Variants in ZC3H12D observed in about 807,000 individuals in gnomAD.
ZC3H12D encodes the protein probable ribonuclease ZC3H12D.
A neutral mutation model predicts 24.2 loss-of-function variants in ZC3H12D; 11 were observed. The observed-to-expected ratio is 0.46, with a 90% CI of 0.29 to 0.75. The LOEUF (loss-of-function observed/expected upper bound fraction) is 0.75. Among genes scored for constraint, ZC3H12D ranks in the 30% least tolerant of loss-of-function variants. ZC3H12D has a pLI of 0.11. For missense variants in ZC3H12D, 740 were observed against 767.7 expected (o/e 0.96, Z 0.43); for synonymous variants, 333 against 341.8 (o/e 0.97, Z 0.28).
At position 149,462,403 on chromosome 6, in the gene ZC3H12D, C is replaced by CCA. The variant is rs778179105; in HGVS notation, c.306-435_306-434dup. On this transcript the variant is annotated intron_variant, in intron 2 of 5. Transcript: ENST00000409806. Reference sequence around the variant, plus strand: ...AAAAACAAAACAAAACAAAAAAAAACCACACACACACACAAGAAAATCTAC... The same window carrying CCA: ...AAAAACAAAACAAAACAAAAAAAAACCACACACACACACACAAGAAAATCTAC... 8.0e-4 allele frequency among the ~76,000 whole-genome samples: 119 copies of CCA among 149,376 alleles called. 2 individuals carry two copies. The highest frequency in any genetic ancestry group is 2.8e-3 in the African/African-American group (114 of 40,522).
intron 3 of ZC3H12D, among the ~76,000 whole-genome samples, chr6:149,460,522 C>G (rs965409241): frequency 6.6e-6 from 1 of 152,056 alleles, no homozygotes; most frequent in South Asian, 2.1e-4. Context: ...ATGGTGAAAC[C>G]CCATCTCTAC....
At chr6:149,458,874 T>C (rs1407152552) in intron 3 of ZC3H12D, among the ~76,000 whole-genome samples, 2 of 152,216 alleles carry the variant, frequency 1.3e-5, no homozygotes, top group Non-Finnish European at 2.9e-5. Context: ...TGTTTGTATG[T>C]TTATATGGCC....
chr6:149,475,614 G>C (rs1242918405), intron 1 of ZC3H12D, among the ~76,000 whole-genome samples: 1 of 152,134 alleles, frequency 6.6e-6, no homozygotes, highest in Non-Finnish European at 1.5e-5. Flanking sequence ...TACTTTGGAG[G>C]CTGAGGCAGG....
rs925462470 is a variant in ZC3H12D, at chr6:149,456,960, C to T, written c.446-60G>A. On this transcript the variant is annotated intron_variant, in intron 3 of 5. Coordinates refer to ENST00000409806, the MANE Select transcript of ZC3H12D (RefSeq NM_207360.3). This position sits in a 1 kb window ranked among gnomAD's most constrained non-coding sequence, Gnocchi z 4.3. ...CCAAGGGCACCGCCCCTGAGAACCA[C>T]CCCCAACGCGAGGCCACCCGCTTCC... is the stretch of plus-strand genomic sequence containing the variant. The T allele has an allele frequency of 2.8e-5, 42 of 1,518,642 alleles. No individual in the cohort carries two copies. The East Asian group carries it at 9.4e-4, about 34-fold the overall frequency. 94.1% of individuals were successfully genotyped at this position (1,518,642 alleles called of 1,614,324 possible).
Position 149,456,621 on chromosome 6 carries a change from C to CCCCCCCCCCCCCCCCCA in ZC3H12D, c.680+44_680+45insTGGGGGGGGGGGGGGGG. On this transcript the variant is annotated intron_variant, in intron 4 of 5. Transcript: ENST00000409806. The surrounding 1 kb of genome is among the most constrained non-coding windows in gnomAD (Gnocchi z 4.3). ...TGGCCACTGCCTCGACCCCGGCCCCCCGCCCCGCCGCCCCCCAGGGTGTCA... is the reference window on the plus strand; with the variant it reads ...TGGCCACTGCCTCGACCCCGGCCCCCCCCCCCCCCCCCCCCCACGCCCCGCCGCCCCCCAGGGTGTCA... The CCCCCCCCCCCCCCCCCA allele has an allele frequency of 7.7e-7, 1 of 1,297,206 alleles. No individual in the cohort carries two copies. Among genetic ancestry groups the CCCCCCCCCCCCCCCCCA allele is most frequent in the Non-Finnish European group, 1.1e-6 (1 of 906,312 alleles). 80.4% of individuals were successfully genotyped at this position (1,297,206 alleles called of 1,614,324 possible).
intron 2 of ZC3H12D, among the ~76,000 whole-genome samples, chr6:149,462,890 C>T (rs775843284): frequency 2.6e-5 from 4 of 152,188 alleles, no homozygotes; most frequent in Non-Finnish European, 5.9e-5. Flanking sequence ...GCTGCACTGT[C>T]GGCTTCCCTA....
At chr6:149,475,000 G>A (rs1776312825) in intron 1 of ZC3H12D, among the ~76,000 whole-genome samples, 1 of 152,064 alleles carries the variant, frequency 6.6e-6, no homozygotes. Context: ...CTCAGAGTGT[G>A]ACTATATTTA....
At chr6:149,460,944 G>T (rs946171555) in intron 3 of ZC3H12D, among the ~76,000 whole-genome samples, 1 of 152,088 alleles carries the variant, frequency 6.6e-6, no homozygotes, top group African/African-American at 2.4e-5. Context: ...GAGCAAGTCT[G>T]CAATGAGCCA....
At chr6:149,469,690 T>C (rs141898044) in intron 2 of ZC3H12D, among the ~76,000 whole-genome samples, 4 of 152,318 alleles carry the variant, frequency 2.6e-5, no homozygotes, top group African/African-American at 4.8e-5. Flanking sequence ...CTTTAAGGTA[T>C]GGAGACTGCA....
intron 3 of ZC3H12D, among the ~76,000 whole-genome samples, chr6:149,458,128 C>CTTTTTTTTTTTTTTTTTTTTTGTTT (rs1776015981): frequency 2.5e-5 from 1 of 39,758 alleles, no homozygotes; most frequent in African/African-American, 1.1e-4. Context: ...TTTTTCGTTT[C>CTTTTTTTTTTTTTTTTTTTTTGTTT]TTTTTTTTTT....
chr6:149,481,729 T>C (rs1352526062), intron 1 of ZC3H12D, among the ~76,000 whole-genome samples: 1 of 148,548 alleles, frequency 6.7e-6, no homozygotes, highest in Admixed American at 6.6e-5. Flanking sequence ...GAAGATGGGG[T>C]AGATACAAGT....
chr6:149,454,037 T>G (rs1359196866), intron 4 of ZC3H12D, among the ~76,000 whole-genome samples: 1 of 152,212 alleles, frequency 6.6e-6, no homozygotes, highest in Non-Finnish European at 1.5e-5. Context: ...TTTGAATCAG[T>G]GAGGAAGTGG....
rs1775920244 is a variant in ZC3H12D at position 149,452,617 on chromosome 6, A to T, written c.786T>A (p.Tyr262Ter). The T allele has an allele frequency of 6.3e-7, 1 of 1,576,292 alleles. No homozygotes were observed. Among genetic ancestry groups the T allele is most frequent in the Non-Finnish European group, 8.6e-7 (1 of 1,163,154 alleles). Residue 262 changes from tyrosine to a stop codon, truncating the protein, a stop_gained and splice_region_variant, in exon 5 of 6, where the codon TAT becomes TAA. Transcript: ENST00000409806. LOFTEE classifies it low-confidence loss of function (END_TRUNC). This position sits in a 1 kb window ranked among gnomAD's most constrained non-coding sequence, Gnocchi z 4.0. ...TGCGAAGCACTGGGCCCTACCCACC[A>T]TAAGGACAATGCTGCCAGGATGGCT... is the stretch of plus-strand genomic sequence containing the variant. ...PPEPSWQHCP[Y>*]GKKCTYGIKC...
At position 149,466,563 on chromosome 6, in the gene ZC3H12D, GCAC is replaced by G. The variant is rs1288877296; in HGVS notation, c.306-4596_306-4594del. ...CTCAGTTAATTCTCAAGGGAAAATA[GCAC>G]CACCACAATTATTTTAAAACTTGTT... On this transcript the variant is annotated intron_variant, in intron 2 of 5. Coordinates refer to ENST00000409806, the MANE Select transcript of ZC3H12D (RefSeq NM_207360.3). 3.3e-5 allele frequency among the ~76,000 whole-genome samples: 5 copies of G among 151,560 alleles called. 1 individual carries two copies. In the South Asian group the frequency reaches 1.0e-3, roughly 32 times the overall value.
At chr6:149,469,437 G>A (rs892462412) in intron 2 of ZC3H12D, among the ~76,000 whole-genome samples, 7 of 151,668 alleles carry the variant, frequency 4.6e-5, no homozygotes, top group African/African-American at 7.3e-5. Flanking sequence ...CAGCCTGGGC[G>A]ACAGAGCGAG....
chr6:149,474,963 C>G (rs984014028), intron 1 of ZC3H12D, among the ~76,000 whole-genome samples: 2 of 151,776 alleles, frequency 1.3e-5, no homozygotes, highest in African/African-American at 4.8e-5. Context: ...CTCCCAAATT[C>G]CCATGGTAAA....
At chr6:149,477,662 C>T (rs751695314) in intron 1 of ZC3H12D, among the ~76,000 whole-genome samples, 5 of 151,882 alleles carry the variant, frequency 3.3e-5, no homozygotes, top group Non-Finnish European at 7.4e-5. Context: ...CGATGGGCCC[C>T]ACAGCTGCAT....
At chr6:149,479,317 C>T (rs540369638) in intron 1 of ZC3H12D, among the ~76,000 whole-genome samples, 6 of 152,294 alleles carry the variant, frequency 3.9e-5, no homozygotes, top group African/African-American at 9.6e-5. Flanking sequence ...GCTGTGATCA[C>T]GCCACTGACC....
rs1775990228 is a variant in ZC3H12D at position 149,456,796 on chromosome 6, C to T, written c.550G>A (p.Val184Met). The stretch of plus-strand genomic sequence containing the variant: ...CCGTCCTGCTCGTAGGCCACCTTCA[C>T]GATGTAGCGGTCGTCGTAGCAGACC... ...RLVCYDDRYI[V>M]KVAYEQDGVI... Residue 184 changes from valine to methionine, a missense_variant, in exon 4 of 6, where the codon GTG becomes ATG. Val to Met is a conservative substitution (Grantham distance 21, BLOSUM62 1). Transcript: ENST00000409806. This position sits in a 1 kb window ranked among gnomAD's most constrained non-coding sequence, Gnocchi z 4.3. 1 of 1,613,528 alleles carries T rather than the reference C, an allele frequency of 6.2e-7. No homozygotes were observed. The highest frequency in any genetic ancestry group is 8.5e-7 in the Non-Finnish European group (1 of 1,179,790).
Sources: gnomAD v4.1 joint callset for allele counts (sites outside exome capture counted in the v4.1 genomes callset) on GRCh38, gnomAD v4.1.1 for gene constraint, Gnocchi (gnomAD v3.1) non-coding constraint, MANE v1.5 for transcripts, NCBI Gene and HGNC (gene_info 2026-07-23, HGNC 2026-07-21) for gene names.